The following CFAP161 variants were observed in gnomAD, a reference collection of about 807,000 sequenced individuals.
CFAP161 encodes cilia- and flagella-associated protein 161.
Under a neutral mutation model 29.0 loss-of-function variants are expected in CFAP161, and 25 were observed. The ratio of observed to expected loss-of-function variants is 0.86; its 90% CI spans 0.63 to 1.20. CFAP161 has a LOEUF of 1.20. Ranked by LOEUF, CFAP161 falls within the 50% of genes most tolerant of loss-of-function variation. CFAP161 has a pLI of 0.00. For missense variants in CFAP161, 367 were observed against 371.9 expected (o/e 0.99, Z 0.11); for synonymous variants, 116 against 137.4 (o/e 0.84, Z 1.09).
chr15:81,134,404 C>T lies in CFAP161; in HGVS notation c.69+6C>T, dbSNP rs1231992448. 6.3e-7 allele frequency: 1 copy of T among 1,578,478 alleles called. No individual in the cohort carries two copies. Among genetic ancestry groups the T allele is most frequent in the African/African-American group, 1.3e-5 (1 of 74,774 alleles). ...AGGATGTCTACCTGGAGGAGGTACG[C>T]AGGGTGTGGCCAGGCGCAGACCCGC... On this transcript the variant is annotated splice_donor_region_variant and intron_variant, in intron 1 of 6. Transcript: ENST00000286732.
At chr15:81,139,807 T>C (rs1894875587) in intron 4 of CFAP161, among the ~76,000 whole-genome samples, 1 of 152,198 alleles carries the variant, frequency 6.6e-6, no homozygotes, top group South Asian at 2.1e-4. Context: ...CATTTAAAAG[T>C]ATTGATACAT....
intron 3 of CFAP161, among the ~76,000 whole-genome samples, chr15:81,137,400 G>T (rs1894829430): frequency 6.6e-6 from 1 of 152,096 alleles, no homozygotes; most frequent in Admixed American, 6.5e-5. Context: ...TTCGAGACCA[G>T]CCTGGCCAAC....
At chr15:81,146,676 C>T (rs1236077825) in intron 5 of CFAP161, among the ~76,000 whole-genome samples, 3 of 151,188 alleles carry the variant, frequency 2.0e-5, no homozygotes, top group Non-Finnish European at 4.4e-5. Flanking sequence ...ATTAGGCAAT[C>T]GTGGTCACCC....
Position 81,143,764 on chromosome 15 carries a change from C to T in CFAP161, c.580C>T (p.Gln194Ter), listed in dbSNP as rs763696621. The change falls in exon 5 of 7, where the codon CAG becomes TAG. Residue 194 changes from glutamine to a stop codon, truncating the protein, a stop_gained. Transcript: ENST00000286732. LOFTEE classifies it high-confidence loss of function. Reference protein sequence around the residue: ...TDEVSHVNCWQAAFPDPQLRL... With the variant: ...TDEVSHVNCW ...TGAGGTCTCCCATGTGAACTGCTGG[C>T]AGGCTGCCTTCCCTGACCCCCAGTT... is the stretch of plus-strand genomic sequence containing the variant. 3.1e-6 allele frequency: 5 copies of T among 1,614,162 alleles called. No homozygotes were observed. Among genetic ancestry groups the T allele is most frequent in the Admixed American group, 1.7e-5 (1 of 60,018 alleles).
At chr15:81,116,853 C>T (rs1894505389) in intron 1 of CFAP161, among the ~76,000 whole-genome samples, 1 of 152,116 alleles carries the variant, frequency 6.6e-6, no homozygotes, top group Non-Finnish European at 1.5e-5. Context: ...TAGGAGAATT[C>T]AGGGTCTAGT....
chr15:81,133,202 TA>T (rs1567156305), upstream of CFAP161, among the ~76,000 whole-genome samples: 563 of 67,256 alleles, frequency 8.4e-3, 22 homozygotes, highest in South Asian at 0.024. Flanking sequence ...TATATATATA[TA>T]TATATATATA....
intron 1 of CFAP161, among the ~76,000 whole-genome samples, chr15:81,103,057 C>T (rs970613528): frequency 1.5e-5 from 2 of 131,966 alleles, no homozygotes; most frequent in Admixed American, 7.4e-5. Flanking sequence ...AAGAGAAGAC[C>T]GAGGAAGCAC....
At chr15:81,127,111 A>G (rs187998119) in intron 1 of CFAP161, among the ~76,000 whole-genome samples, 43 of 152,340 alleles carry the variant, frequency 2.8e-4, no homozygotes, top group African/African-American at 1.0e-3. Flanking sequence ...GCATGCCTTA[A>G]TGTTTGTGAA....
intron 1 of CFAP161, among the ~76,000 whole-genome samples, chr15:81,118,567 C>T (rs1894529847): frequency 6.6e-6 from 1 of 152,228 alleles, no homozygotes; most frequent in Non-Finnish European, 1.5e-5. Context: ...TGGCCCCGCG[C>T]TAGTCCGCGG....
intron 3 of CFAP161, 109 bp downstream of exon 3, chr15:81,136,857 C>A: frequency 1.1e-6 from 1 of 888,430 alleles, no homozygotes; most frequent in Non-Finnish European, 1.7e-6. Context: ...GTTTTGTGAA[C>A]ATTTTTCGTG....
At chr15:81,143,551 T>G in intron 4 of CFAP161, 111 bp from the exon 5 acceptor site, 1 of 1,229,800 alleles carries the variant, frequency 8.1e-7, no homozygotes, top group Non-Finnish European at 1.1e-6. Context: ...AAGAACAGAG[T>G]TTTTGAGAAC....
chr15:81,123,976 A>T (rs1041921691), intron 1 of CFAP161, among the ~76,000 whole-genome samples: 2 of 152,304 alleles, frequency 1.3e-5, no homozygotes, highest in African/African-American at 2.4e-5. Flanking sequence ...GGATCATGTC[A>T]TCTACAAACA....
intron 1 of CFAP161, among the ~76,000 whole-genome samples, chr15:81,106,191 A>G (rs16972742): frequency 0.088 from 13,369 of 152,266 alleles, 702 homozygotes; most frequent in East Asian, 0.17. Context: ...GTCTTGAGAA[A>G]GTAAATTCAA....
At position 81,102,154 on chromosome 15, in the gene CFAP161, C is replaced by G. The variant is rs577154633; in HGVS notation, c.-141-25436C>G. ...CCAAGTAGTGCAAATTTGTTCAGCA[C>G]AAATAGCAATTGTGCTCAGAATATT... On this transcript the variant is annotated intron_variant, in intron 1 of 4. Coordinates refer to the CFAP161 transcript ENST00000560091. 9.9e-4 allele frequency among the ~76,000 whole-genome samples: 151 copies of G among 152,260 alleles called. 4 individuals carry two copies. In the South Asian group the frequency reaches 0.03, roughly 31 times the overall value.
At chr15:81,115,408 G>C (rs1464553252) in intron 1 of CFAP161, among the ~76,000 whole-genome samples, 2 of 152,094 alleles carry the variant, frequency 1.3e-5, no homozygotes, top group Non-Finnish European at 2.9e-5. Flanking sequence ...GGGGGTAATT[G>C]GTCACTAGTA....
intron 2 of CFAP161, among the ~76,000 whole-genome samples, chr15:81,128,578 G>A (rs1488532370): frequency 3.9e-5 from 6 of 151,936 alleles, no homozygotes; most frequent in Non-Finnish European, 5.9e-5. Flanking sequence ...TGTTATATCC[G>A]TGACATCTGC....
chr15:81,132,287 G>T (rs922455846), upstream of CFAP161, among the ~76,000 whole-genome samples: 1 of 152,066 alleles, frequency 6.6e-6, no homozygotes, highest in Non-Finnish European at 1.5e-5. Flanking sequence ...GGAAGAAAAA[G>T]AAATAAGGGA....
intron 1 of CFAP161, among the ~76,000 whole-genome samples, chr15:81,127,365 C>G (rs1444158419): frequency 6.6e-6 from 1 of 152,110 alleles, no homozygotes; most frequent in African/African-American, 2.4e-5. Context: ...ACATTTTAAC[C>G]TAGGTGTGCA....
intron 5 of CFAP161, 87 bp downstream of exon 5, chr15:81,143,907 C>T (rs1273617203): frequency 1.2e-5 from 17 of 1,389,090 alleles, no homozygotes; most frequent in Non-Finnish European, 1.6e-5. Context: ...ACTTATAGCT[C>T]AAATGCCTTA....
Sources: gnomAD v4.1 joint callset for allele counts (sites outside exome capture counted in the v4.1 genomes callset) on GRCh38, gnomAD v4.1.1 for gene constraint, MANE v1.5 for transcripts, NCBI Gene and HGNC (gene_info 2026-07-23, HGNC 2026-07-21) for gene names.